LRRC7: variants seen among roughly 807,000 people sequenced by gnomAD.
The protein encoded by LRRC7 is leucine-rich repeat-containing protein 7.
A neutral mutation model predicts 175.7 loss-of-function variants in LRRC7; 23 were observed. That is an observed-to-expected ratio of 0.13 (90% confidence interval 0.09 to 0.19). The LOEUF (loss-of-function observed/expected upper bound fraction) is 0.19, where lower values mean the gene tolerates loss of function less well. Among genes scored for constraint, LRRC7 ranks in the 10% least tolerant of loss-of-function variants. The pLI is 1.00. For synonymous variants in LRRC7, 685 were observed against 680.9 expected (o/e 1.01, Z -0.09); for missense variants, 1,354 against 1,904.7 (o/e 0.71, Z 5.38).
chr1:69,573,021 A>G (rs1645800638), intron 1 of LRRC7, among the ~76,000 whole-genome samples: 1 of 152,116 alleles, frequency 6.6e-6, no homozygotes, highest in Non-Finnish European at 1.5e-5. Context: ...CATGAACATC[A>G]CTTGTCATAC....
chr1:69,617,675 A>G (rs889482841), intron 1 of LRRC7, among the ~76,000 whole-genome samples: 2 of 151,494 alleles, frequency 1.3e-5, no homozygotes, highest in Non-Finnish European at 1.5e-5. Context: ...GTCGGTTAGT[A>G]TAAGCACTAA....
intron 7 of LRRC7, among the ~76,000 whole-genome samples, chr1:69,910,374 C>G (rs2101699479): frequency 6.6e-6 from 1 of 152,238 alleles, no homozygotes; most frequent in Non-Finnish European, 1.5e-5. Flanking sequence ...TGTGGATGTC[C>G]TTTCTGTTTG....
At position 69,646,743 on chromosome 1, in the gene LRRC7, G is replaced by C. The variant is rs75191805; in HGVS notation, c.3-31638G>C. On this transcript the variant is annotated intron_variant, in intron 1 of 26. Coordinates refer to ENST00000651989, the MANE Select transcript of LRRC7 (RefSeq NM_001370785.2). ...AAAAATCTGTATCAATTTAAAACCA[G>C]TGCAGCCGAACCTCTATAGTAGTGC... Among the ~76,000 whole-genome samples, 695 of 152,228 alleles carry C rather than the reference G, an allele frequency of 4.6e-3. 14 individuals carry two copies. The highest frequency in any genetic ancestry group is 0.045 in the East Asian group (234 of 5,166).
chr1:69,621,257 G>T (rs766002528), intron 1 of LRRC7, among the ~76,000 whole-genome samples: 1 of 151,982 alleles, frequency 6.6e-6, no homozygotes, highest in Non-Finnish European at 1.5e-5. Context: ...TGTTGGTCAG[G>T]CTGGTCTCGA....
intron 7 of LRRC7, among the ~76,000 whole-genome samples, chr1:69,900,463 A>T (rs1646103333): frequency 1.3e-5 from 2 of 152,296 alleles, no homozygotes; most frequent in African/African-American, 2.4e-5. Context: ...TTATTTATTG[A>T]TCAGCTTCAG....
At chr1:69,642,021 A>G (rs920871011) in intron 1 of LRRC7, among the ~76,000 whole-genome samples, 1 of 151,926 alleles carries the variant, frequency 6.6e-6, no homozygotes, top group Non-Finnish European at 1.5e-5. Flanking sequence ...ATAATTCATA[A>G]CAGTAAACCA....
rs1190710494 is a variant in LRRC7, at chr1:70,039,425, T to C, written c.3601T>C (p.Ser1201Pro). ...DRQSSVTVTE[S>P]QFLKRNGRYE... ...CCAAAGCAGCGTTACAGTGACTGAGTCCCAGTTCCTGAAAAGGAATGGCAG... is the reference window on the plus strand; with the variant it reads ...CCAAAGCAGCGTTACAGTGACTGAGCCCCAGTTCCTGAAAAGGAATGGCAG... The change falls in exon 21 of 27, where the codon TCC becomes CCC. Residue 1201 changes from serine to proline, a missense_variant. Physicochemically the swap from Ser to Pro is moderately conservative, Grantham distance 74. This residue lies in a region of LRRC7 where 1,032 missense variants were observed against 1,227.2 expected (regional missense o/e 0.84). Transcript: ENST00000651989. 6 of 1,614,040 alleles carry C rather than the reference T, an allele frequency of 3.7e-6. No homozygotes were observed. Among genetic ancestry groups the C allele is most frequent in the Non-Finnish European group, 5.1e-6 (6 of 1,180,006 alleles).
chr1:70,063,954 A>G (rs866768148), intron 23 of LRRC7, among the ~76,000 whole-genome samples: 29 of 152,164 alleles, frequency 1.9e-4, no homozygotes, highest in South Asian at 8.3e-4. Flanking sequence ...GCCAGCTGCT[A>G]TGCTAAGACA....
chr1:69,698,657 G>A (rs1662935297), intron 2 of LRRC7, among the ~76,000 whole-genome samples: 1 of 152,190 alleles, frequency 6.6e-6, no homozygotes, highest in African/African-American at 2.4e-5. Flanking sequence ...ATAACTGAGA[G>A]TTTGAACAAC....
At chr1:69,833,658 G>T (rs1215336809) in intron 5 of LRRC7, among the ~76,000 whole-genome samples, 1 of 151,998 alleles carries the variant, frequency 6.6e-6, no homozygotes, top group Admixed American at 6.6e-5. Flanking sequence ...AGAGAAGCAG[G>T]AAAATTGTAG....
At chr1:69,895,332 G>A (rs1240661967) in intron 7 of LRRC7, among the ~76,000 whole-genome samples, 5 of 152,050 alleles carry the variant, frequency 3.3e-5, no homozygotes, top group Admixed American at 2.0e-4. Flanking sequence ...AAAAAGCAAA[G>A]GTACACAAGG....
In LRRC7 at chr1:69,647,685, A is replaced by G. The variant is rs561253355; in HGVS notation, c.3-30696A>G. Among the ~76,000 whole-genome samples the G allele has an allele frequency of 4.6e-5, 7 of 152,140 alleles. No individual in the cohort carries two copies. The East Asian group carries it at 1.4e-3, about 29-fold the overall frequency. On this transcript the variant is annotated intron_variant, in intron 1 of 26. Coordinates refer to ENST00000651989, the MANE Select transcript of LRRC7 (RefSeq NM_001370785.2). ...AATATCTTTCAGTTCTTCAAATACTATTTCTAACTCATTCTCTCCTTTTCA... is the reference window on the plus strand; with the variant it reads ...AATATCTTTCAGTTCTTCAAATACTGTTTCTAACTCATTCTCTCCTTTTCA...
At chr1:69,928,048 T>C (rs1246295043) in intron 7 of LRRC7, among the ~76,000 whole-genome samples, 1 of 152,206 alleles carries the variant, frequency 6.6e-6, no homozygotes, top group Non-Finnish European at 1.5e-5. Flanking sequence ...TGCAGGTCTG[T>C]TGGAGTTTGC....
chr1:69,770,820 C>T (rs1672158619), intron 3 of LRRC7, among the ~76,000 whole-genome samples: 1 of 152,114 alleles, frequency 6.6e-6, no homozygotes, highest in Non-Finnish European at 1.5e-5. Context: ...TCCTTAGATC[C>T]TGGGTTTGAA....
At chr1:69,972,980 CTA>C (rs146952864) in intron 8 of LRRC7, among the ~76,000 whole-genome samples, 6,533 of 140,688 alleles carry the variant, frequency 0.046, 148 homozygotes, top group South Asian at 0.1. Flanking sequence ...TATATAAATA[CTA>C]TATATATAAA....
At position 70,038,606 on chromosome 1, in the gene LRRC7, C is replaced by G. The variant is rs773004438; in HGVS notation, c.2782C>G (p.Pro928Ala). 9.7e-5 allele frequency: 157 copies of G among 1,613,908 alleles called. No individual in the cohort carries two copies. The highest frequency in any genetic ancestry group is 1.3e-4 in the Non-Finnish European group (149 of 1,179,974). ...TACTGAAATACCTAGTCCTTTTTCT[C>G]CAGGCGTACCATGGGAGTATCATGA... ...ESTEIPSPFS[P>A]GVPWEYHDSN... The change falls in exon 21 of 27, where the codon CCA becomes GCA. Residue 928 changes from proline (P) to alanine (A), a missense_variant. Pro to Ala is a conservative substitution (Grantham distance 27). Around this residue, in one of 4 missense-constraint regions of LRRC7, gnomAD observed 1,032 missense variants for 1,227.2 expected, o/e 0.84. Coordinates refer to ENST00000651989, the MANE Select transcript of LRRC7 (RefSeq NM_001370785.2).
At chr1:69,834,632 C>T in intron 5 of LRRC7, 148 bp from the exon 6 acceptor site, 2 of 700,336 alleles carry the variant, frequency 2.9e-6, no homozygotes, top group Non-Finnish European at 2.4e-6. Flanking sequence ...TAACAACATG[C>T]TCAATAAATT....
chr1:69,817,248 T>C (rs1678707140), intron 4 of LRRC7, among the ~76,000 whole-genome samples: 2 of 151,864 alleles, frequency 1.3e-5, no homozygotes, highest in Admixed American at 1.3e-4. Flanking sequence ...TATATATATA[T>C]ATAAGTTTTT....
intron 1 of LRRC7, among the ~76,000 whole-genome samples, chr1:69,580,792 AAAT>A (rs776292476): frequency 1.1e-4 from 17 of 152,206 alleles, no homozygotes; most frequent in Non-Finnish European, 2.4e-4. Flanking sequence ...GACCTTAAAT[AAAT>A]AATAATTCTA....
Sources: allele counts gnomAD v4.1 joint callset (sites outside exome capture counted in the v4.1 genomes callset), GRCh38; gene constraint gnomAD v4.1.1; regional missense constraint gnomAD v4.1.1; transcripts MANE v1.5; gene names NCBI Gene and HGNC (gene_info 2026-07-23, HGNC 2026-07-21).